Variants in CSMD1 observed in about 807,000 individuals in gnomAD.
CSMD1 encodes the protein CUB and Sushi multiple domains 1.
A neutral mutation model predicts 417.5 loss-of-function variants in CSMD1; 213 were observed. That is an observed-to-expected ratio of 0.51 (90% CI 0.46 to 0.57). The LOEUF (loss-of-function observed/expected upper bound fraction) is 0.57, where lower values mean the gene tolerates loss of function less well. Among genes scored for constraint, CSMD1 ranks in the 20% least tolerant of loss-of-function variants. CSMD1 has a pLI of 0.00. For missense variants in CSMD1, 6,923 were observed against 4,529.7 expected, an observed-to-expected ratio of 1.53 and a Z score of -15.17; for synonymous variants, 2,862 against 1,736.8, an observed-to-expected ratio of 1.65 and a Z score of -16.11.
chr8:4,610,795 C>G (rs904703659), intron 2 of CSMD1, among the ~76,000 whole-genome samples: 6 of 152,132 alleles, frequency 3.9e-5, no homozygotes, highest in Non-Finnish European at 5.9e-5. Context: ...TTGCCTTTCA[C>G]AAGAGTTCAG....
chr8:3,998,109 A>G lies in CSMD1; in HGVS notation c.612T>C (p.Ala204=), dbSNP rs373791350. ...GTAAGGTTCCTCCGCAGGCTCCCTC[A>G]GCTGCAGGGGCAAAAGCAGAAAGAA... The part of the protein sequence containing the change: ...SWDFPAPFCR[A]EGACGGTLRG... Residue 204 remains alanine (A), a splice_region_variant and synonymous_variant, in exon 5 of 70, where the codon GCT becomes GCC. Transcript: ENST00000635120. The G allele has an allele frequency of 6.4e-7, 1 of 1,560,828 alleles. No individual in the cohort carries two copies. Among genetic ancestry groups the G allele is most frequent in the Non-Finnish European group, 8.7e-7 (1 of 1,151,234 alleles).
chr8:3,390,763 C>G (rs184965644), intron 17 of CSMD1, among the ~76,000 whole-genome samples: 1 of 151,828 alleles, frequency 6.6e-6, no homozygotes, highest in East Asian at 1.9e-4. Context: ...GCAGCTCATA[C>G]GGAGGTACAT....
chr8:4,277,074 GT>G (rs1200232435), intron 3 of CSMD1, among the ~76,000 whole-genome samples: 1 of 152,046 alleles, frequency 6.6e-6, no homozygotes, highest in Admixed American at 6.6e-5. Flanking sequence ...AATGTTGTGT[GT>G]TTTATAAAAT....
chr8:4,439,248 A>C (rs1327360525), intron 2 of CSMD1, among the ~76,000 whole-genome samples: 9 of 152,138 alleles, frequency 5.9e-5, no homozygotes. Flanking sequence ...TATTGCTTCT[A>C]TTAAACAAAT....
At chr8:4,527,785 T>A (rs1796595331) in intron 2 of CSMD1, among the ~76,000 whole-genome samples, 1 of 152,232 alleles carries the variant, frequency 6.6e-6, no homozygotes, top group South Asian at 2.1e-4. Flanking sequence ...TTCTTTTTAC[T>A]GATGAATCCT....
At chr8:4,755,110 C>T (rs1266414928) in intron 1 of CSMD1, among the ~76,000 whole-genome samples, 1 of 152,162 alleles carries the variant, frequency 6.6e-6, no homozygotes, top group East Asian at 1.9e-4. Context: ...TGCACTCCAG[C>T]CTGGTGACAG....
intron 5 of CSMD1, among the ~76,000 whole-genome samples, chr8:3,786,571 C>G (rs1044711006): frequency 1.3e-5 from 2 of 152,208 alleles, no homozygotes; most frequent in South Asian, 2.1e-4. Context: ...TTACAACGGC[C>G]TAGGATGGAC....
intron 5 of CSMD1, among the ~76,000 whole-genome samples, chr8:3,968,020 A>T (rs1585048990): frequency 6.7e-6 from 1 of 149,770 alleles, no homozygotes; most frequent in South Asian, 2.1e-4. Flanking sequence ...AAAAAAAAAA[A>T]AAAAAAATTA....
At chr8:3,538,174 G>T (rs148570692) in intron 10 of CSMD1, among the ~76,000 whole-genome samples, 1 of 151,966 alleles carries the variant, frequency 6.6e-6, no homozygotes, top group East Asian at 1.9e-4. Flanking sequence ...ATTACATGAC[G>T]GATCAACTAC....
At chr8:3,271,934 A>T (rs2117157981) in intron 26 of CSMD1, among the ~76,000 whole-genome samples, 1 of 152,196 alleles carries the variant, frequency 6.6e-6, no homozygotes, top group East Asian at 1.9e-4. Context: ...CTTCAGTTTA[A>T]TTAGATCCCA....
chr8:3,556,391 TAATATATATA>T (rs1368250744), intron 10 of CSMD1, among the ~76,000 whole-genome samples: 2 of 37,342 alleles, frequency 5.4e-5, no homozygotes, highest in East Asian at 6.4e-4. Context: ...TTATAATAAT[TAATATATATA>T]TATATATATA....
At chr8:4,954,713 A>G (rs568625898) in intron 1 of CSMD1, among the ~76,000 whole-genome samples, 50 of 152,292 alleles carry the variant, frequency 3.3e-4, no homozygotes, top group African/African-American at 1.0e-3. Flanking sequence ...CTACATAAGC[A>G]CCATGGAAAT....
At chr8:4,646,181 G>A (rs768944735) in intron 1 of CSMD1, among the ~76,000 whole-genome samples, 2 of 152,160 alleles carry the variant, frequency 1.3e-5, no homozygotes, top group Admixed American at 6.5e-5. Context: ...CCCATTGCCA[G>A]TGGAGAGAAT....
intron 3 of CSMD1, among the ~76,000 whole-genome samples, chr8:4,046,024 A>C (rs7813093): frequency 0.38 from 57,289 of 151,982 alleles, 12,521 homozygotes; most frequent in East Asian, 0.67. Flanking sequence ...ATTCAAATAT[A>C]AAATTTAGGA....
At chr8:3,065,533 C>G (rs1177254164) in intron 49 of CSMD1, among the ~76,000 whole-genome samples, 2 of 151,534 alleles carry the variant, frequency 1.3e-5, no homozygotes, top group African/African-American at 4.9e-5. Context: ...GATGGATACA[C>G]AGATGGATAG....
At chr8:4,016,351 G>A (rs1031287537) in intron 4 of CSMD1, among the ~76,000 whole-genome samples, 1 of 152,138 alleles carries the variant, frequency 6.6e-6, no homozygotes, top group African/African-American at 2.4e-5. Flanking sequence ...CAGACATTTT[G>A]CAATCTCCTC....
At chr8:4,598,186 A>ATGTAAAAGCTT (rs898953607) in intron 2 of CSMD1, among the ~76,000 whole-genome samples, 3 of 152,144 alleles carry the variant, frequency 2.0e-5, no homozygotes, top group Admixed American at 6.5e-5. Flanking sequence ...TGTAAAACGG[A>ATGTAAAAGCTT]ATTATCATAG....
At chr8:4,385,347 C>T (rs1803377817) in intron 3 of CSMD1, among the ~76,000 whole-genome samples, 1 of 152,222 alleles carries the variant, frequency 6.6e-6, no homozygotes, top group African/African-American at 2.4e-5. Context: ...GGGCCCTTCA[C>T]TGCCACAAAT....
intron 7 of CSMD1, among the ~76,000 whole-genome samples, chr8:3,642,525 C>G (rs1003006364): frequency 6.6e-6 from 1 of 152,152 alleles, no homozygotes; most frequent in Non-Finnish European, 1.5e-5. Context: ...TTATCCAGGT[C>G]TTCAAGTGTC....
Sources: gnomAD v4.1 joint callset for allele counts (sites outside exome capture counted in the v4.1 genomes callset) on GRCh38, gnomAD v4.1.1 for gene constraint, MANE v1.5 for transcripts, NCBI Gene and HGNC (gene_info 2026-07-23, HGNC 2026-07-21) for gene names.